FLYWCH2: variants seen among roughly 807,000 people sequenced by gnomAD.
FLYWCH2 encodes the protein FLYWCH family member 2.
A neutral mutation model predicts 6.0 loss-of-function variants in FLYWCH2; 2 were observed. The observed-to-expected ratio is 0.33, with a 90% CI of 0.14 to 1.04. FLYWCH2 has a LOEUF of 1.04. Ranked by LOEUF, FLYWCH2 falls within the 50% of genes least tolerant of loss-of-function variation. The probability of loss-of-function intolerance (pLI) is 0.45; values close to 1 mark genes in which losing one functional copy is unlikely to be tolerated. For missense variants in FLYWCH2, 192 were observed against 183.4 expected, an observed-to-expected ratio of 1.05 and a Z score of -0.27; for synonymous variants, 87 against 79.3, an observed-to-expected ratio of 1.10 and a Z score of -0.52.
At position 2,884,574 on chromosome 16, in the gene FLYWCH2, AAAAT is replaced by A. The variant is rs1038355441; in HGVS notation, c.-200+1210_-200+1213del. Among the ~76,000 whole-genome samples the A allele has an allele frequency of 4.8e-5, 7 of 144,404 alleles. 2 individuals carry two copies. Among genetic ancestry groups the A allele is most frequent in the African/African-American group, 1.0e-4 (4 of 38,764 alleles). The allele number at this position is 144,404 out of a possible 152,430, so 94.7% of individuals were successfully genotyped here. A position where few individuals can be genotyped will look rare whatever the true frequency, so the allele number is the denominator to read the frequency against. On this transcript the variant is annotated intron_variant, in intron 1 of 3. Coordinates refer to ENST00000396958, the MANE Select transcript of FLYWCH2 (RefSeq NM_138439.3). Reference sequence around the variant, plus strand: ...CGTCTCTACTAAAAAAAAAAAAAAAAAAATACAAAAATTAGTCGGGGCCGGCGCG... The same window carrying A: ...CGTCTCTACTAAAAAAAAAAAAAAAAACAAAAATTAGTCGGGGCCGGCGCG...
intron 1 of FLYWCH2, among the ~76,000 whole-genome samples, chr16:2,886,005 T>G (rs951123675): frequency 1.3e-5 from 2 of 152,090 alleles, no homozygotes; most frequent in African/African-American, 4.8e-5. Context: ...CTATTATCTG[T>G]TTTTTGTTTG....
intron 2 of FLYWCH2, among the ~76,000 whole-genome samples, 197 bp from the exon 3 acceptor site, chr16:2,896,155 G>C (rs541370807): frequency 3.3e-4 from 51 of 152,310 alleles, no homozygotes; most frequent in Non-Finnish European, 6.8e-4. Context: ...GGGAAAGTGG[G>C]GTTGGATGGG....
At position 2,896,511 on chromosome 16, in the gene FLYWCH2, C is replaced by T; in HGVS notation, c.62C>T (p.Ser21Phe). The T allele has an allele frequency of 3.7e-6, 6 of 1,614,080 alleles. No homozygotes were observed. Among genetic ancestry groups the T allele is most frequent in the Non-Finnish European group, 4.2e-6 (5 of 1,179,972 alleles). The stretch of plus-strand genomic sequence containing the variant: ...AGTGTGAAGGCCAGCCAGGAGCCAT[C>T]CCCCAAGCCAGGCACAGAAGTCATC... The part of the protein sequence containing the change: ...GESVKASQEP[S>F]PKPGTEVIPA... Residue 21 changes from serine (S) to phenylalanine (F), a missense_variant, in exon 3 of 4, where the codon TCC becomes TTC. Transcript: ENST00000396958.
intron 1 of FLYWCH2, among the ~76,000 whole-genome samples, chr16:2,887,680 C>T (rs1160290809): frequency 7.9e-5 from 12 of 151,800 alleles, no homozygotes; most frequent in Non-Finnish European, 1.5e-5. Flanking sequence ...AAGCAACGCT[C>T]CCACCTCAGC....
At chr16:2,884,577 AT>A (rs1440039368) in intron 1 of FLYWCH2, among the ~76,000 whole-genome samples, 23 of 140,328 alleles carry the variant, frequency 1.6e-4, no homozygotes, top group East Asian at 8.1e-4. Context: ...AAAAAAAAAA[AT>A]ACAAAAATTA....
At chr16:2,891,640 C>G (rs533802708) in intron 1 of FLYWCH2, among the ~76,000 whole-genome samples, 3 of 152,006 alleles carry the variant, frequency 2.0e-5, no homozygotes, top group African/African-American at 7.2e-5. Flanking sequence ...CTCCTGACCT[C>G]GTGATCCACC....
chr16:2,884,776 A>G (rs1333015961), intron 1 of FLYWCH2, among the ~76,000 whole-genome samples: 1 of 151,666 alleles, frequency 6.6e-6, no homozygotes, highest in African/African-American at 2.4e-5. Flanking sequence ...TGGGAGGCTG[A>G]GACAGGAGAA....
chr16:2,887,972 C>G (rs2069717109), intron 1 of FLYWCH2, among the ~76,000 whole-genome samples: 1 of 150,302 alleles, frequency 6.7e-6, no homozygotes, highest in East Asian at 1.9e-4. Context: ...ACTCTCAGTT[C>G]TATTCTGTTG....
chr16:2,887,746 T>C (rs1049362347), intron 1 of FLYWCH2, among the ~76,000 whole-genome samples: 9 of 151,752 alleles, frequency 5.9e-5, no homozygotes, highest in Non-Finnish European at 1.3e-4. Flanking sequence ...ATAATATTTT[T>C]TTTAGAGATG....
chr16:2,891,080 C>CA (rs2069751839), intron 1 of FLYWCH2, among the ~76,000 whole-genome samples: 1 of 152,218 alleles, frequency 6.6e-6, no homozygotes, highest in African/African-American at 2.4e-5. Context: ...ATCCCGACCA[C>CA]TGGCTTCCAA....
chr16:2,893,932 C>T (rs540080421), intron 1 of FLYWCH2, among the ~76,000 whole-genome samples: 2 of 152,146 alleles, frequency 1.3e-5, no homozygotes, highest in African/African-American at 4.8e-5. Context: ...GCCACCGCGC[C>T]CGGCCCCTTT....
At chr16:2,884,883 A>AC (rs2069681183) in intron 1 of FLYWCH2, among the ~76,000 whole-genome samples, 1 of 142,216 alleles carries the variant, frequency 7.0e-6, no homozygotes, top group South Asian at 2.2e-4. Flanking sequence ...TAAAAAACAA[A>AC]AACAAAAAAA....
intron 1 of FLYWCH2, among the ~76,000 whole-genome samples, chr16:2,890,026 C>T (rs1484693081): frequency 6.6e-6 from 1 of 152,072 alleles, no homozygotes; most frequent in Admixed American, 6.6e-5. Context: ...TGTGAGGTTA[C>T]AGTGAGCCAT....
chr16:2,883,961 A>T (rs755847888), intron 1 of FLYWCH2, among the ~76,000 whole-genome samples: 9 of 152,184 alleles, frequency 5.9e-5, no homozygotes, highest in Non-Finnish European at 1.2e-4. Flanking sequence ...TGCACACCTT[A>T]GAGTAGCAGT....
intron 1 of FLYWCH2, among the ~76,000 whole-genome samples, chr16:2,884,616 T>G (rs1241076670): frequency 6.8e-6 from 1 of 147,078 alleles, no homozygotes; most frequent in East Asian, 2.0e-4. Context: ...GGCTCACGCC[T>G]GTAATCCCAG....
intron 1 of FLYWCH2, 80 bp from the exon 2 acceptor site, chr16:2,895,140 C>G (rs2069804070): frequency 6.6e-6 from 1 of 151,656 alleles, no homozygotes; most frequent in Non-Finnish European, 1.5e-5. Flanking sequence ...AGCCCCAGTC[C>G]TGAGGTGCTG....
intron 1 of FLYWCH2, among the ~76,000 whole-genome samples, chr16:2,885,682 T>C (rs1031180445): frequency 2.6e-5 from 4 of 152,362 alleles, no homozygotes; most frequent in Admixed American, 6.5e-5. Context: ...ATATTCCATT[T>C]TATACATGCA....
rs564392887 is a variant in FLYWCH2 at position 2,884,799 on chromosome 16, G to A, written c.-200+1433G>A. ...TGAGACAGGAGAAAGGCTTGAACCC[G>A]GGAGGCAGAGGTTGCAGTGACCCAA... On this transcript the variant is annotated intron_variant, in intron 1 of 3. Transcript: ENST00000396958. Among the ~76,000 whole-genome samples the A allele has an allele frequency of 4.0e-5, 6 of 151,710 alleles. No homozygotes were observed. The East Asian group carries it at 1.2e-3, about 30-fold the overall frequency.
intron 1 of FLYWCH2, among the ~76,000 whole-genome samples, chr16:2,889,707 G>A (rs749911871): frequency 6.6e-6 from 1 of 152,082 alleles, no homozygotes; most frequent in Non-Finnish European, 1.5e-5. Context: ...AGAAAAGTCC[G>A]AGAGGCAGTA....
Sources: allele counts gnomAD v4.1 joint callset (sites outside exome capture counted in the v4.1 genomes callset), GRCh38; gene constraint gnomAD v4.1.1; transcripts MANE v1.5; gene names NCBI Gene and HGNC (gene_info 2026-07-23, HGNC 2026-07-21).